Variants in FBLN2 observed in about 807,000 individuals in gnomAD.
The protein encoded by FBLN2 is fibulin-2.
In FBLN2, 81 loss-of-function variants were observed where a neutral mutation model predicts 123.7. The ratio of observed to expected loss-of-function variants is 0.65; its 90% CI spans 0.55 to 0.79. The LOEUF is 0.79. Ranked by LOEUF, FBLN2 falls within the 30% of genes least tolerant of loss-of-function variation. The pLI is 0.00. For synonymous variants in FBLN2, 699 were observed against 701.4 expected, an observed-to-expected ratio of 1.00 and a Z score of 0.05; for missense variants, 1,603 against 1,681.3, an observed-to-expected ratio of 0.95 and a Z score of 0.81.
intron 11 of FBLN2, among the ~76,000 whole-genome samples, chr3:13,628,179 A>G (rs539724982): frequency 6.6e-6 from 1 of 152,278 alleles, no homozygotes; most frequent in South Asian, 2.1e-4. Flanking sequence ...TATTACCTTG[A>G]GCTGTGAAAC....
In FBLN2 at chr3:13,614,104, G is replaced by A; in HGVS notation, c.1669G>A (p.Glu557Lys). ...CATGCTCTCCTGCTGTGAGGGTGAA[G>A]AGCCTCTCATAGTACCTGAGGTTCG... ...HVMLSCCEGE[E>K]PLIVPEVRRP... The change falls in exon 5 of 18, where the codon GAG becomes AAG. Residue 557 changes from glutamate to lysine, a missense_variant. By Grantham distance (56) the Glu-to-Lys change is moderately conservative. Coordinates refer to ENST00000404922, the MANE Select transcript of FBLN2 (RefSeq NM_001004019.2). The A allele has an allele frequency of 1.9e-6, 3 of 1,613,668 alleles. No individual in the cohort carries two copies. The highest frequency in any genetic ancestry group is 2.5e-6 in the Non-Finnish European group (3 of 1,179,888).
rs1480558959 is a variant in FBLN2, at chr3:13,571,356, C to T, written c.1001C>T (p.Ala334Val). 1.2e-6 allele frequency: 2 copies of T among 1,611,902 alleles called. No homozygotes were observed. Among genetic ancestry groups the T allele is most frequent in the Non-Finnish European group, 1.7e-6 (2 of 1,179,238 alleles). The change falls in exon 2 of 18, where the codon GCA becomes GTA. Residue 334 changes from alanine to valine, a missense_variant. Coordinates refer to ENST00000404922, the MANE Select transcript of FBLN2 (RefSeq NM_001004019.2). ...AEAGARAEAG[A>V]RPEENLILDA... ...GCTGGGGCAAGGGCAGAAGCTGGGG[C>T]AAGGCCTGAAGAGAACCTCATCCTG...
At chr3:13,608,223 GA>G in intron 3 of FBLN2, 50 bp downstream of exon 3, 1 of 1,389,182 alleles carries the variant, frequency 7.2e-7, no homozygotes, top group Non-Finnish European at 1.0e-6. Flanking sequence ...GCCTTCTCCA[GA>G]ACCCTGCTTG....
chr3:13,617,686 ACCAT>A (rs574629860), intron 5 of FBLN2, among the ~76,000 whole-genome samples: 12 of 61,888 alleles, frequency 1.9e-4, no homozygotes, highest in African/African-American at 7.2e-4. Context: ...CATCCATCTA[ACCAT>A]CCATCCATCC....
At chr3:13,631,226 T>C in intron 15 of FBLN2, 103 bp from the exon 16 acceptor site, 2 of 1,384,288 alleles carry the variant, frequency 1.4e-6, no homozygotes, top group Non-Finnish European at 1.9e-6. Context: ...ATTTAAAAAA[T>C]GGGCCCCTAA....
chr3:13,630,348 A>C (rs538990457), intron 14 of FBLN2, among the ~76,000 whole-genome samples: 6 of 152,244 alleles, frequency 3.9e-5, no homozygotes, highest in Non-Finnish European at 1.5e-5. Context: ...GCCCCAGCTC[A>C]GTGGGGACTG....
At position 13,610,535 on chromosome 3, in the gene FBLN2, G is replaced by A. The variant is rs1392489377; in HGVS notation, c.1548+893G>A. ...CTGGCAGCAGTAGAGACAGGCCACC[G>A]GGAGTCCTCAGGCTGGACCATAAAG... is the stretch of plus-strand genomic sequence containing the variant. On this transcript the variant is annotated intron_variant, in intron 4 of 17. Transcript: ENST00000404922. 3.3e-5 allele frequency among the ~76,000 whole-genome samples: 5 copies of A among 152,100 alleles called. 1 individual carries two copies. Among genetic ancestry groups the A allele is most frequent in the East Asian group, 3.9e-4 (2 of 5,186 alleles).
At position 13,631,074 on chromosome 3, in the gene FBLN2, C is replaced by T. The variant is rs184200523; in HGVS notation, c.3086-255C>T. ...ATGAAGACCTAAGTTTACATAGGTG[C>T]CCATGACTGGCATCTGATTGTCCCC... On this transcript the variant is annotated intron_variant, in intron 15 of 17. Transcript: ENST00000404922. Among the ~76,000 whole-genome samples the T allele has an allele frequency of 1.8e-3, 270 of 152,298 alleles. 3 individuals carry two copies. The highest frequency in any genetic ancestry group is 6.1e-3 in the African/African-American group (255 of 41,554).
chr3:13,608,112 G>T lies in FBLN2; in HGVS notation c.1357G>T (p.Ala453Ser). 1 of 1,598,382 alleles carries T rather than the reference G, an allele frequency of 6.3e-7. No homozygotes were observed. Among genetic ancestry groups the T allele is most frequent in the Non-Finnish European group, 8.5e-7 (1 of 1,172,664 alleles). Residue 453 changes from alanine to serine, a missense_variant, in exon 3 of 18, where the codon GCC becomes TCC. Physicochemically the swap from Ala to Ser is moderately conservative, Grantham distance 99. Transcript: ENST00000404922. ...ETCCAAGQQW[A>S]IDNDECLEIP... Reference sequence around the variant, plus strand: ...TTGCTGCGCAGCCGGACAGCAGTGGGCCATTGACAATGACGAGTGCCTGGA... The same window carrying T: ...TTGCTGCGCAGCCGGACAGCAGTGGTCCATTGACAATGACGAGTGCCTGGA...
At chr3:13,568,143 G>A (rs573873921) in intron 1 of FBLN2, among the ~76,000 whole-genome samples, 5 of 152,218 alleles carry the variant, frequency 3.3e-5, no homozygotes, top group South Asian at 2.1e-4. Flanking sequence ...GGGCAGGGGC[G>A]TCAGCCCTCG....
intron 2 of FBLN2, among the ~76,000 whole-genome samples, chr3:13,594,396 G>T (rs1704777233): frequency 6.6e-6 from 1 of 152,086 alleles, no homozygotes; most frequent in Admixed American, 6.5e-5. Flanking sequence ...GCGGGGCAGA[G>T]GTCCCTGCTG....
chr3:13,565,682 C>T (rs1703725257), intron 1 of FBLN2, among the ~76,000 whole-genome samples: 1 of 152,236 alleles, frequency 6.6e-6, no homozygotes. Context: ...TGCCAACCCT[C>T]ACCCCTCCTA....
chr3:13,600,550 C>T (rs1402110585), intron 2 of FBLN2, among the ~76,000 whole-genome samples: 1 of 151,884 alleles, frequency 6.6e-6, no homozygotes, highest in Non-Finnish European at 1.5e-5. Flanking sequence ...TGGGGACGCT[C>T]AGGCCTGGAG....
At chr3:13,629,354 A>T in intron 13 of FBLN2, 62 bp downstream of exon 13, 8 of 1,513,604 alleles carry the variant, frequency 5.3e-6, no homozygotes, top group Non-Finnish European at 7.1e-6. Flanking sequence ...CCCTCTGTGC[A>T]CTCCACCTCC....
intron 2 of FBLN2, among the ~76,000 whole-genome samples, chr3:13,584,403 T>C (rs1046198548): frequency 6.6e-6 from 1 of 152,126 alleles, no homozygotes; most frequent in Non-Finnish European, 1.5e-5. Flanking sequence ...ACCCAGGCTC[T>C]CTCTGCCCAG....
chr3:13,582,761 A>G (rs1029560582), intron 2 of FBLN2, among the ~76,000 whole-genome samples: 8 of 152,244 alleles, frequency 5.3e-5, no homozygotes, highest in Non-Finnish European at 1.2e-4. Context: ...GGCAGCCAGC[A>G]CAGAGTGCTG....
chr3:13,621,810 A>G lies in FBLN2; in HGVS notation c.2191A>G (p.Ser731Gly), dbSNP rs1705861017. ...GTGCCTGATGGGTGCTCACGATTGT[A>G]GCCGGCGACAGTTCTGTGTGAACAC... The part of the protein sequence containing the change: ...DECLMGAHDC[S>G]RRQFCVNTLG... Residue 731 changes from serine (S) to glycine (G), a missense_variant, in exon 9 of 18, where the codon AGC becomes GGC. Physicochemically the swap from Ser to Gly is moderately conservative, Grantham distance 56. Coordinates refer to ENST00000404922, the MANE Select transcript of FBLN2 (RefSeq NM_001004019.2). 1 of 1,613,848 alleles carries G rather than the reference A, an allele frequency of 6.2e-7. No individual in the cohort carries two copies. Among genetic ancestry groups the G allele is most frequent in the African/African-American group, 1.3e-5 (1 of 74,920 alleles).
At chr3:13,574,413 C>T (rs1050575644) in intron 2 of FBLN2, among the ~76,000 whole-genome samples, 6 of 152,224 alleles carry the variant, frequency 3.9e-5, no homozygotes, top group Admixed American at 6.5e-5. Context: ...CGGGAAAAGC[C>T]GCCCTCACGA....
chr3:13,619,893 C>G, intron 8 of FBLN2, 62 bp downstream of exon 8: 3 of 1,350,598 alleles, frequency 2.2e-6, no homozygotes, highest in Non-Finnish European at 3.1e-6. Context: ...ATGGGGGCCT[C>G]CAGGTGGGGG....
Sources: allele counts gnomAD v4.1 joint callset (sites outside exome capture counted in the v4.1 genomes callset), GRCh38; gene constraint gnomAD v4.1.1; transcripts MANE v1.5; gene names NCBI Gene and HGNC (gene_info 2026-07-23, HGNC 2026-07-21).